The following TLK1 variants were observed in gnomAD, a reference collection of about 807,000 sequenced individuals.
TLK1 encodes the protein tousled like kinase 1.
TLK1 carries 24 observed loss-of-function variants against 105.3 expected under a neutral mutation model. That is an observed-to-expected ratio of 0.23 (90% CI 0.17 to 0.32). The LOEUF (loss-of-function observed/expected upper bound fraction) is 0.32, where lower values mean the gene tolerates loss of function less well. TLK1 is among the 10% of genes least tolerant of loss of function. TLK1 has a pLI of 1.00. For synonymous variants in TLK1, 321 were observed against 310.4 expected (o/e 1.03, Z -0.36); for missense variants, 558 against 910.5 (o/e 0.61, Z 4.98).
chr2:171,041,096 G>T (rs371531829), intron 11 of TLK1, among the ~76,000 whole-genome samples: 1 of 152,018 alleles, frequency 6.6e-6, no homozygotes. Context: ...GAAAATCAAT[G>T]TAAGTGTCAA....
chr2:171,126,338 C>T (rs1209615033), intron 1 of TLK1, among the ~76,000 whole-genome samples: 1 of 152,120 alleles, frequency 6.6e-6, no homozygotes, highest in Non-Finnish European at 1.5e-5. Context: ...AACATGTTTT[C>T]TCTCTCTCCC....
In TLK1 at chr2:171,209,234, A is replaced by G. The variant is rs191923961; in HGVS notation, c.-6+21911T>C. On this transcript the variant is annotated intron_variant, in intron 1 of 20. Coordinates refer to the TLK1 transcript ENST00000521943. ...ATAAGGAAACATTGGAAGAATACACAAGAAACTAATAAAAGGGGTTACTTA... is the reference window on the plus strand; with the variant it reads ...ATAAGGAAACATTGGAAGAATACACGAGAAACTAATAAAAGGGGTTACTTA... 3.3e-5 allele frequency among the ~76,000 whole-genome samples: 5 copies of G among 152,360 alleles called. No homozygotes were observed. In the East Asian group the frequency reaches 5.8e-4, roughly 18 times the overall value.
At chr2:171,006,050 T>A (rs1684636732) in intron 18 of TLK1, 97 bp downstream of exon 18, 2 of 1,274,146 alleles carry the variant, frequency 1.6e-6, no homozygotes, top group African/African-American at 3.1e-5. Context: ...CACAGTAATC[T>A]TAATGGCTAC....
intron 8 of TLK1, among the ~76,000 whole-genome samples, chr2:171,052,666 A>G (rs765510871): frequency 2.0e-5 from 3 of 152,254 alleles, no homozygotes; most frequent in Non-Finnish European, 4.4e-5. Context: ...TATGTTGTGA[A>G]GAATGTAAGC....
At chr2:171,214,886 G>A (rs569192148) in intron 1 of TLK1, among the ~76,000 whole-genome samples, 1 of 152,128 alleles carries the variant, frequency 6.6e-6, no homozygotes, top group African/African-American at 2.4e-5. Flanking sequence ...AAGACAATGG[G>A]CCTTGATTCA....
At chr2:171,040,661 T>G (rs574859759) in intron 11 of TLK1, among the ~76,000 whole-genome samples, 21 of 149,608 alleles carry the variant, frequency 1.4e-4, no homozygotes, top group South Asian at 8.5e-4. Flanking sequence ...ACTGCAGCCT[T>G]GACCTCCCCA....
chr2:171,075,749 T>C (rs1558926849), intron 3 of TLK1, among the ~76,000 whole-genome samples: 1 of 151,806 alleles, frequency 6.6e-6, no homozygotes, highest in Non-Finnish European at 1.5e-5. Context: ...AGAGGAAAAA[T>C]GGTTATGCTT....
At chr2:171,012,781 T>C (rs553900522) in intron 13 of TLK1, among the ~76,000 whole-genome samples, 1 of 152,208 alleles carries the variant, frequency 6.6e-6, no homozygotes, top group Non-Finnish European at 1.5e-5. Context: ...CTGGCCAAAA[T>C]ACATTGTATT....
chr2:170,998,082 CTAT>C (rs1684160089), intron 18 of TLK1, among the ~76,000 whole-genome samples: 1 of 82,928 alleles, frequency 1.2e-5, no homozygotes, highest in African/African-American at 5.1e-5. Context: ...ATCTATCTAT[CTAT>C]CTATCTACCT....
intron 1 of TLK1, among the ~76,000 whole-genome samples, chr2:171,123,678 G>A (rs114174912): frequency 1.3e-5 from 2 of 152,310 alleles, no homozygotes; most frequent in African/African-American, 4.8e-5. Flanking sequence ...AGGTGTGGTG[G>A]TATGCACCTA....
chr2:171,072,654 G>A (rs775000032), intron 3 of TLK1, among the ~76,000 whole-genome samples: 3 of 152,186 alleles, frequency 2.0e-5, no homozygotes, highest in Non-Finnish European at 2.9e-5. Context: ...TGTAATCCCA[G>A]CTACTGGGGA....
intron 2 of TLK1, among the ~76,000 whole-genome samples, chr2:171,089,054 G>A (rs962250928): frequency 6.6e-6 from 1 of 152,182 alleles, no homozygotes; most frequent in African/African-American, 2.4e-5. Context: ...GCTACTTTTT[G>A]TATTTTTGGT....
At chr2:171,148,587 G>C (rs946198755) in intron 1 of TLK1, among the ~76,000 whole-genome samples, 2 of 151,880 alleles carry the variant, frequency 1.3e-5, no homozygotes, top group Non-Finnish European at 2.9e-5. Context: ...TATTTTTTAA[G>C]TGAATGTATA....
intron 2 of TLK1, among the ~76,000 whole-genome samples, chr2:171,100,728 TATAAA>T (rs1689654741): frequency 6.6e-6 from 1 of 152,198 alleles, no homozygotes; most frequent in Non-Finnish European, 1.5e-5. Context: ...CTGGTAGGAA[TATAAA>T]ATGGTGTGGC....
Position 171,049,902 on chromosome 2 carries a change from A to T in TLK1, c.892T>A (p.Leu298Ile). The stretch of plus-strand genomic sequence containing the variant: ...ACTGTTGTAAAGTGCCCGAGGCGTA[A>T]TCGATCTTGCATACTCTTCTCTCTG... ...SSREKSMQDR[L>I]RLGHFTTVRH... Residue 298 changes from leucine (L) to isoleucine (I), a missense_variant, in exon 10 of 21, where the codon TTA (leucine) becomes ATA (isoleucine). Transcript: ENST00000431350. 6.2e-7 allele frequency: 1 copy of T among 1,613,902 alleles called. No individual in the cohort carries two copies. The highest frequency in any genetic ancestry group is 8.5e-7 in the Non-Finnish European group (1 of 1,179,950).
intron 2 of TLK1, among the ~76,000 whole-genome samples, chr2:171,106,638 T>G (rs932060785): frequency 6.6e-6 from 1 of 152,220 alleles, no homozygotes; most frequent in African/African-American, 2.4e-5. Flanking sequence ...CGACCCTCTC[T>G]GCTAGAGCAC....
Position 170,993,668 on chromosome 2 carries a change from TAAAAAAAAAAAA to T in TLK1, c.*100_*111del, listed in dbSNP as rs71008739. ...AAACAGTTCTTAACCACGTCTTGTG[TAAAAAAAAAAAA>T]AAAAAAAAAAGAAAAAGAAAACAAA... On this transcript the variant is annotated 3_prime_UTR_variant, in exon 21 of 21. Coordinates refer to ENST00000431350, the MANE Select transcript of TLK1 (RefSeq NM_012290.5). 10 of 433,808 alleles carry T rather than the reference TAAAAAAAAAAAA, an allele frequency of 2.3e-5. No individual in the cohort carries two copies. Among genetic ancestry groups the T allele is most frequent in the South Asian group, 1.4e-4 (2 of 13,944 alleles). 26.9% of individuals were successfully genotyped at this position (433,808 alleles called of 1,614,324 possible). A position where few individuals can be genotyped will look rare whatever the true frequency, so the allele number is the denominator to read the frequency against.
At chr2:171,104,840 T>C (rs546684993) in intron 2 of TLK1, among the ~76,000 whole-genome samples, 2 of 152,340 alleles carry the variant, frequency 1.3e-5, no homozygotes, top group Admixed American at 1.3e-4. Flanking sequence ...GTTGATTTTG[T>C]GTAACAGACA....
intron 2 of TLK1, among the ~76,000 whole-genome samples, chr2:171,088,187 C>G (rs1003060167): frequency 2.3e-4 from 35 of 152,048 alleles, no homozygotes; most frequent in African/African-American, 8.5e-4. Context: ...AAAAAATTAG[C>G]CAGATGTGGT....
Sources: gnomAD v4.1 joint callset for allele counts (sites outside exome capture counted in the v4.1 genomes callset) on GRCh38, gnomAD v4.1.1 for gene constraint, MANE v1.5 for transcripts, NCBI Gene and HGNC (gene_info 2026-07-23, HGNC 2026-07-21) for gene names.